Variants in CYYR1 observed in about 807,000 individuals in gnomAD.
The protein encoded by CYYR1 is cysteine and tyrosine-rich protein 1.
Under a neutral mutation model 15.2 loss-of-function variants are expected in CYYR1, and 14 were observed. The ratio of observed to expected loss-of-function variants is 0.92; its 90% CI spans 0.61 to 1.44. The LOEUF is 1.44. Ranked by LOEUF, CYYR1 falls within the 40% of genes most tolerant of loss-of-function variation. CYYR1 has a pLI of 0.00. For missense variants in CYYR1, 228 were observed against 209.5 expected, an observed-to-expected ratio of 1.09 and a Z score of -0.54; for synonymous variants, 80 against 77.4, an observed-to-expected ratio of 1.03 and a Z score of -0.18.
At chr21:26,542,193 T>A (rs1206805314) in intron 2 of CYYR1, among the ~76,000 whole-genome samples, 3 of 141,744 alleles carry the variant, frequency 2.1e-5, no homozygotes, top group Non-Finnish European at 4.5e-5. Flanking sequence ...TGGGAAGATA[T>A]TCTATTATAC....
intron 2 of CYYR1, among the ~76,000 whole-genome samples, chr21:26,522,326 T>C (rs1435382281): frequency 1.3e-5 from 2 of 152,138 alleles, no homozygotes; most frequent in African/African-American, 4.8e-5. Flanking sequence ...TGTTATATGA[T>C]CCAGTAGCTT....
At chr21:26,545,804 C>T (rs571039827) in intron 2 of CYYR1, among the ~76,000 whole-genome samples, 166 of 151,904 alleles carry the variant, frequency 1.1e-3, no homozygotes, top group African/African-American at 4.0e-3. Flanking sequence ...AGGATGGTCT[C>T]GATCTCCTGA....
At chr21:26,566,812 C>G (rs1180973229) in intron 1 of CYYR1, among the ~76,000 whole-genome samples, 2 of 152,046 alleles carry the variant, frequency 1.3e-5, no homozygotes, top group African/African-American at 4.8e-5. Flanking sequence ...AGTCTGAGAC[C>G]AGCCTGGCCA....
rs1166058234 is a variant in CYYR1, at chr21:26,549,840, AAAATGC to A, written c.176+16420_176+16425del. Among the ~76,000 whole-genome samples, 3 of 152,222 alleles carry A rather than the reference AAAATGC, an allele frequency of 2.0e-5. No homozygotes were observed. The East Asian group carries it at 5.8e-4, about 29-fold the overall frequency. Reference sequence around the variant, plus strand: ...AACAAAAATTTAAAAAGAATAAGAAAAAATGCAAATAACTTCATTTTACCCTCCGTG... The same window carrying A: ...AACAAAAATTTAAAAAGAATAAGAAAAAATAACTTCATTTTACCCTCCGTG... On this transcript the variant is annotated intron_variant, in intron 2 of 3. Coordinates refer to ENST00000652641, the MANE Select transcript of CYYR1 (RefSeq NM_001320768.2).
rs73898236 is a variant in CYYR1 at position 26,524,150 on chromosome 21, C to T, written c.176+42116G>A. On this transcript the variant is annotated intron_variant, in intron 2 of 3. Coordinates refer to ENST00000652641, the MANE Select transcript of CYYR1 (RefSeq NM_001320768.2). ...TGCTACATTTAAACATTTCATATGC[C>T]GGGGGTTGTTTTGCATGTTGGTATT... Among the ~76,000 whole-genome samples the T allele has an allele frequency of 2.6e-3, 394 of 152,154 alleles. 2 individuals carry two copies. The highest frequency in any genetic ancestry group is 9.0e-3 in the African/African-American group (374 of 41,504).
chr21:26,558,921 T>C (rs1979999585), intron 2 of CYYR1, among the ~76,000 whole-genome samples: 1 of 152,180 alleles, frequency 6.6e-6, no homozygotes, highest in South Asian at 2.1e-4. Context: ...TTTTAAATAA[T>C]ACGTCAATCA....
At chr21:26,565,731 A>T (rs1980570419) in intron 2 of CYYR1, among the ~76,000 whole-genome samples, 1 of 152,176 alleles carries the variant, frequency 6.6e-6, no homozygotes, top group Non-Finnish European at 1.5e-5. Context: ...CATTACTCAT[A>T]CCTAGCTTGT....
intron 2 of CYYR1, among the ~76,000 whole-genome samples, chr21:26,487,072 T>G (rs902978917): frequency 6.6e-5 from 10 of 152,052 alleles, no homozygotes; most frequent in Non-Finnish European, 1.5e-4. Context: ...TATCTATATT[T>G]GATACCACAC....
intron 2 of CYYR1, among the ~76,000 whole-genome samples, chr21:26,524,038 A>C (rs1423016707): frequency 6.6e-6 from 1 of 152,190 alleles, no homozygotes; most frequent in African/African-American, 2.4e-5. Context: ...CATCAGAAAA[A>C]TATGTTCTAA....
intron 2 of CYYR1, among the ~76,000 whole-genome samples, chr21:26,520,999 A>G (rs939920413): frequency 6.6e-6 from 1 of 152,156 alleles, no homozygotes; most frequent in African/African-American, 2.4e-5. Context: ...ACATGAACAC[A>G]AGGAGGGGAA....
chr21:26,534,285 G>A (rs761966543), intron 2 of CYYR1, among the ~76,000 whole-genome samples: 17 of 152,288 alleles, frequency 1.1e-4, no homozygotes, highest in Non-Finnish European at 2.4e-4. Flanking sequence ...ACTGTTAAAT[G>A]AGTAAGTTAA....
intron 2 of CYYR1, among the ~76,000 whole-genome samples, chr21:26,533,024 CA>C (rs147050850): frequency 6.6e-6 from 1 of 151,532 alleles, no homozygotes; most frequent in Non-Finnish European, 1.5e-5. Flanking sequence ...TTCCAAAATC[CA>C]AAAAATTCTT....
At chr21:26,535,348 A>G (rs2065981732) in intron 2 of CYYR1, among the ~76,000 whole-genome samples, 1 of 152,196 alleles carries the variant, frequency 6.6e-6, no homozygotes, top group Non-Finnish European at 1.5e-5. Context: ...CCTGGCACAA[A>G]GGAAGTGTCT....
At position 26,497,926 on chromosome 21, in the gene CYYR1, T is replaced by A. The variant is rs992107516; in HGVS notation, c.177-17497A>T. On this transcript the variant is annotated intron_variant, in intron 2 of 3. Coordinates refer to ENST00000652641, the MANE Select transcript of CYYR1 (RefSeq NM_001320768.2). Reference sequence around the variant, plus strand: ...TATTGATCTTATGCCCTCTATTGAATTAAAGTTTGAACTGTATGTCTTATT... The same window carrying A: ...TATTGATCTTATGCCCTCTATTGAAATAAAGTTTGAACTGTATGTCTTATT... Among the ~76,000 whole-genome samples the A allele has an allele frequency of 2.3e-4, 35 of 152,206 alleles. 1 individual carries two copies. Among genetic ancestry groups the A allele is most frequent in the African/African-American group, 8.4e-4 (35 of 41,468 alleles).
At chr21:26,539,146 T>C (rs1018682839) in intron 2 of CYYR1, among the ~76,000 whole-genome samples, 1 of 152,148 alleles carries the variant, frequency 6.6e-6, no homozygotes, top group African/African-American at 2.4e-5. Context: ...TTTCAGAAGT[T>C]AGTTTAAAAT....
intron 1 of CYYR1, among the ~76,000 whole-genome samples, chr21:26,571,147 A>C (rs1476736365): frequency 2.0e-5 from 3 of 152,248 alleles, no homozygotes; most frequent in South Asian, 2.1e-4. Context: ...AAGACTGATA[A>C]GAACATGACC....
chr21:26,472,462 AAGT>A (rs2065047779), intron 3 of CYYR1, among the ~76,000 whole-genome samples: 1 of 152,144 alleles, frequency 6.6e-6, no homozygotes, highest in Admixed American at 6.5e-5. Context: ...AAGGGTATAC[AAGT>A]ACATTATCAT....
chr21:26,539,654 C>T lies in CYYR1; in HGVS notation c.176+26612G>A, dbSNP rs74537523. The stretch of plus-strand genomic sequence containing the variant: ...AAAGGATTAGCTTTTTGATATTCTG[C>T]CTCAACATACTTAGATCTCTATGTT... On this transcript the variant is annotated intron_variant, in intron 2 of 3. Transcript: ENST00000652641. 1.6e-4 allele frequency among the ~76,000 whole-genome samples: 25 copies of T among 152,296 alleles called. 1 individual carries two copies. The East Asian group carries it at 3.1e-3, about 19-fold the overall frequency.
intron 2 of CYYR1, among the ~76,000 whole-genome samples, chr21:26,480,845 T>A (rs552287925): frequency 6.6e-6 from 1 of 152,310 alleles, no homozygotes; most frequent in Admixed American, 6.5e-5. Context: ...ACTTGGTAGA[T>A]GTCAGAATAT....
Sources: gnomAD v4.1 joint callset for allele counts (sites outside exome capture counted in the v4.1 genomes callset) on GRCh38, gnomAD v4.1.1 for gene constraint, MANE v1.5 for transcripts, NCBI Gene and HGNC (gene_info 2026-07-23, HGNC 2026-07-21) for gene names.